SLC2A13: variants seen among roughly 807,000 people sequenced by gnomAD.
The protein encoded by SLC2A13 is solute carrier family 2 member 13, also known as proton myo-inositol cotransporter.
SLC2A13 carries 32 observed loss-of-function variants against 64.4 expected under a neutral mutation model. The observed-to-expected ratio is 0.50, with a 90% CI of 0.37 to 0.67. The LOEUF (loss-of-function observed/expected upper bound fraction) is 0.67. Among genes scored for constraint, SLC2A13 ranks in the 30% least tolerant of loss-of-function variants. SLC2A13 has a pLI of 0.00. For missense variants in SLC2A13, 743 were observed against 829.2 expected (o/e 0.90, Z 1.28); for synonymous variants, 338 against 327.1 (o/e 1.03, Z -0.36).
chr12:40,082,339 T>A (rs1005400033), intron 1 of SLC2A13, among the ~76,000 whole-genome samples: 4 of 152,264 alleles, frequency 2.6e-5, no homozygotes, highest in Non-Finnish European at 4.4e-5. Context: ...ATCTGCCTGC[T>A]GTTGCTTACT....
chr12:39,871,888 T>G lies in SLC2A13; in HGVS notation c.1108A>C (p.Thr370Pro). 6.2e-7 allele frequency: 1 copy of G among 1,612,270 alleles called. No individual in the cohort carries two copies. The highest frequency in any genetic ancestry group is 8.5e-7 in the Non-Finnish European group (1 of 1,179,262). Residue 370 changes from threonine to proline, a missense_variant, in exon 5 of 10, where the codon ACA becomes CCA. Thr to Pro is a conservative substitution (Grantham distance 38). Coordinates refer to ENST00000280871, the MANE Select transcript of SLC2A13 (RefSeq NM_052885.4). ...DRLAIWLASVTAFTNFIFTLV... is the reference protein window; with the variant it reads ...DRLAIWLASVPAFTNFIFTLV... ...GTGAAAATGAAATTTGTGAAGGCTG[T>G]AACTGAAGCCAGCCATATTGCAAGT...
At chr12:39,790,309 C>A (rs182106858) in intron 7 of SLC2A13, among the ~76,000 whole-genome samples, 1 of 150,176 alleles carries the variant, frequency 6.7e-6, no homozygotes, top group Non-Finnish European at 1.5e-5. Flanking sequence ...TGTGCTGGTG[C>A]GCTGCACCCA....
chr12:39,968,977 T>G (rs2136126589), intron 3 of SLC2A13, among the ~76,000 whole-genome samples: 1 of 152,012 alleles, frequency 6.6e-6, no homozygotes, highest in East Asian at 1.9e-4. Flanking sequence ...GGCCCCGGTG[T>G]GTGATGTTCC....
At chr12:39,970,213 T>C (rs532530208) in intron 3 of SLC2A13, among the ~76,000 whole-genome samples, 62 of 152,350 alleles carry the variant, frequency 4.1e-4, no homozygotes, top group South Asian at 2.5e-3. Context: ...CCTTGTAGTA[T>C]AGTTTGAAGT....
At chr12:39,932,903 G>A (rs1227387450) in intron 4 of SLC2A13, among the ~76,000 whole-genome samples, 1 of 151,962 alleles carries the variant, frequency 6.6e-6, no homozygotes, top group Non-Finnish European at 1.5e-5. Flanking sequence ...GAGAAGATGG[G>A]GGACAAGCAG....
At chr12:40,001,032 T>C (rs1947314456) in intron 3 of SLC2A13, among the ~76,000 whole-genome samples, 1 of 152,206 alleles carries the variant, frequency 6.6e-6, no homozygotes, top group Non-Finnish European at 1.5e-5. Flanking sequence ...AGAGAGGGCA[T>C]GGACACTCAG....
chr12:39,786,945 A>G (rs929275279), intron 7 of SLC2A13, among the ~76,000 whole-genome samples: 1 of 152,146 alleles, frequency 6.6e-6, no homozygotes, highest in Admixed American at 6.6e-5. Context: ...GACTTTTTAC[A>G]TGAATCTAAT....
intron 3 of SLC2A13, among the ~76,000 whole-genome samples, chr12:39,954,114 A>C (rs1946277837): frequency 6.6e-6 from 1 of 152,216 alleles, no homozygotes; most frequent in Non-Finnish European, 1.5e-5. Context: ...AACAGTTCTC[A>C]TGCTAGCGGA....
At chr12:39,954,058 C>T (rs1177073462) in intron 3 of SLC2A13, among the ~76,000 whole-genome samples, 1 of 152,200 alleles carries the variant, frequency 6.6e-6, no homozygotes, top group African/African-American at 2.4e-5. Flanking sequence ...TCAGCTTTCC[C>T]TTTCTACATG....
chr12:39,880,006 G>C (rs918354348), intron 4 of SLC2A13, among the ~76,000 whole-genome samples: 3 of 152,092 alleles, frequency 2.0e-5, no homozygotes, highest in Admixed American at 6.5e-5. Context: ...GTTCATACAA[G>C]ACACAGTCAT....
chr12:40,068,128 T>TGCAG, intron 1 of SLC2A13: 1 of 198,050 alleles, frequency 5.0e-6, no homozygotes, highest in East Asian at 1.8e-4. Context: ...CAGGGTGGTC[T>TGCAG]CCAACTACTG....
intron 6 of SLC2A13, among the ~76,000 whole-genome samples, chr12:39,858,063 T>C (rs1262103307): frequency 6.6e-6 from 1 of 152,242 alleles, no homozygotes; most frequent in East Asian, 1.9e-4. Context: ...TAAAAAGTTA[T>C]GGCGAACTCA....
At position 39,998,850 on chromosome 12, in the gene SLC2A13, T is replaced by C. The variant is rs1025745066; in HGVS notation, c.925+29451A>G. ...GGGGCAGAATGATATGGCTTGGCTGTGTCCCCACCCAAATCTCATCTTGAA... is the reference window on the plus strand; with the variant it reads ...GGGGCAGAATGATATGGCTTGGCTGCGTCCCCACCCAAATCTCATCTTGAA... On this transcript the variant is annotated intron_variant, in intron 3 of 9. Transcript: ENST00000280871. 2.7e-4 allele frequency among the ~76,000 whole-genome samples: 41 copies of C among 152,166 alleles called. 1 individual carries two copies. The highest frequency in any genetic ancestry group is 4.3e-4 in the Non-Finnish European group (29 of 68,034).
chr12:40,065,529 G>A (rs1937686899), intron 1 of SLC2A13, among the ~76,000 whole-genome samples: 1 of 152,192 alleles, frequency 6.6e-6, no homozygotes, highest in African/African-American at 2.4e-5. Context: ...AGGCTGCAGT[G>A]AGCTGTGATC....
intron 5 of SLC2A13, among the ~76,000 whole-genome samples, chr12:39,870,894 G>A (rs2135938755): frequency 1.3e-5 from 2 of 152,236 alleles, no homozygotes; most frequent in South Asian, 4.1e-4. Flanking sequence ...CATCAAATAT[G>A]GGATGAGTGA....
rs147809016 is a variant in SLC2A13, at chr12:39,788,958, T to C, written c.1446-24100A>G. On this transcript the variant is annotated intron_variant, in intron 7 of 9. Coordinates refer to ENST00000280871, the MANE Select transcript of SLC2A13 (RefSeq NM_052885.4). ...TATTTAAAAATCTACTGTGTGTGTG[T>C]GCGCAAACAAAATCGGATTGATGCC... Among the ~76,000 whole-genome samples the C allele has an allele frequency of 3.1e-3, 478 of 152,236 alleles. 9 individuals carry two copies. Among genetic ancestry groups the C allele is most frequent in the African/African-American group, 0.011 (466 of 41,552 alleles).
intron 4 of SLC2A13, among the ~76,000 whole-genome samples, chr12:39,918,924 C>T (rs1945565470): frequency 6.7e-6 from 1 of 149,202 alleles, no homozygotes; most frequent in African/African-American, 2.5e-5. Flanking sequence ...TAGATCATTT[C>T]AGGTTATACA....
At chr12:39,906,935 A>G (rs773734138) in intron 4 of SLC2A13, among the ~76,000 whole-genome samples, 4 of 152,134 alleles carry the variant, frequency 2.6e-5, no homozygotes, top group Non-Finnish European at 5.9e-5. Context: ...ATATATTTTT[A>G]TTTGATTCTT....
At position 39,895,551 on chromosome 12, in the gene SLC2A13, T is replaced by TAC. The variant is rs1183911411; in HGVS notation, c.1035-23592_1035-23591dup. ...ATATATATATATATATATATATATA[T>TAC]ACACACACACACACACGTGTATATG... On this transcript the variant is annotated intron_variant, in intron 4 of 9. Transcript: ENST00000280871. Among the ~76,000 whole-genome samples, 83 of 66,732 alleles carry TAC rather than the reference T, an allele frequency of 1.2e-3. 6 individuals are homozygous for TAC. The highest frequency in any genetic ancestry group is 3.6e-3 in the African/African-American group (58 of 16,012). The allele number at this position is 66,732 out of a possible 152,430, so 43.8% of individuals were successfully genotyped here.
Sources: gnomAD v4.1 joint callset for allele counts (sites outside exome capture counted in the v4.1 genomes callset) on GRCh38, gnomAD v4.1.1 for gene constraint, MANE v1.5 for transcripts, NCBI Gene and HGNC (gene_info 2026-07-23, HGNC 2026-07-21) for gene names.